The following PCSK5 variants were observed in gnomAD, a reference collection of about 807,000 sequenced individuals.
PCSK5 encodes prohormone convertase 5.
PCSK5 carries 129 observed loss-of-function variants against 233.2 expected under a neutral mutation model. The ratio of observed to expected loss-of-function variants is 0.55; its 90% CI spans 0.48 to 0.64. The LOEUF (loss-of-function observed/expected upper bound fraction) is 0.64. Among genes scored for constraint, PCSK5 ranks in the 30% least tolerant of loss-of-function variants. The pLI is 0.00. For missense variants in PCSK5, 2,076 were observed against 2,430.1 expected (o/e 0.85, Z 3.06); for synonymous variants, 825 against 879.2 (o/e 0.94, Z 1.09).
intron 24 of PCSK5, among the ~76,000 whole-genome samples, chr9:76,270,735 A>G (rs1051401760): frequency 1.3e-5 from 2 of 152,226 alleles, no homozygotes; most frequent in Non-Finnish European, 2.9e-5. Flanking sequence ...AGAGGGGTCA[A>G]TGATCTTGAA....
At chr9:76,166,735 C>G (rs918937844) in intron 12 of PCSK5, among the ~76,000 whole-genome samples, 1 of 152,168 alleles carries the variant, frequency 6.6e-6, no homozygotes, top group Non-Finnish European at 1.5e-5. Flanking sequence ...ATGGCCTCAA[C>G]GAATTAGAGC....
At chr9:76,297,899 A>G (rs1828492626) in intron 27 of PCSK5, among the ~76,000 whole-genome samples, 1 of 152,098 alleles carries the variant, frequency 6.6e-6, no homozygotes, top group Non-Finnish European at 1.5e-5. Context: ...GACTTCAAGG[A>G]AGAGCAGCTC....
In PCSK5 at chr9:76,296,779, GC is replaced by G. The variant is rs1179937267; in HGVS notation, c.3438del (p.Cys1146Ter). 1 of 1,611,900 alleles carries G rather than the reference GC, an allele frequency of 6.2e-7. No individual in the cohort carries two copies. The highest frequency in any genetic ancestry group is 1.3e-5 in the African/African-American group (1 of 74,878). ...TGCACAGGCCCTGGTCATGACGAGTGCAGCAGCTGCCAGGAAGGACTGCAGC... is the reference window on the plus strand; with the variant it reads ...TGCACAGGCCCTGGTCATGACGAGTGAGCAGCTGCCAGGAAGGACTGCAGC... ...ETCTGPGHDE[C>X]SSCQEGLQLL... On this transcript the variant is annotated frameshift_variant, in exon 27 of 38. Coordinates refer to ENST00000674117, the MANE Select transcript of PCSK5 (RefSeq NM_001372043.1). LOFTEE classifies it high-confidence loss of function.
intron 24 of PCSK5, among the ~76,000 whole-genome samples, chr9:76,241,334 C>T (rs770802457): frequency 6.6e-6 from 1 of 152,118 alleles, no homozygotes; most frequent in African/African-American, 2.4e-5. Context: ...CCCAGCTATT[C>T]GGGAGGCTGA....
In PCSK5 at chr9:76,354,184, G is replaced by T; in HGVS notation, c.5219G>T (p.Ser1740Ile). Residue 1740 changes from serine (S) to isoleucine (I), a missense_variant, in exon 37 of 38, where the codon AGT becomes ATT. By Grantham distance (142) the Ser-to-Ile change is moderately radical. Around this residue, in one of 6 missense-constraint regions of PCSK5, gnomAD observed 1,510 missense variants for 1,538.1 expected, o/e 0.98. Coordinates refer to ENST00000674117, the MANE Select transcript of PCSK5 (RefSeq NM_001372043.1). ...TGCTGCAACACCTCTGATCCCCCCA[G>T]TGCCCAGGAGTGCTGTGACTGCCAG... ...LHCCNTSDPP[S>I]AQECCDCQDT... 6.3e-7 allele frequency: 1 copy of T among 1,587,564 alleles called. No homozygotes were observed. Among genetic ancestry groups the T allele is most frequent in the Non-Finnish European group, 8.6e-7 (1 of 1,167,744 alleles).
At chr9:75,922,425 A>G (rs1823296233) in intron 1 of PCSK5, among the ~76,000 whole-genome samples, 1 of 152,178 alleles carries the variant, frequency 6.6e-6, no homozygotes, top group African/African-American at 2.4e-5. Flanking sequence ...GAGACGTTAC[A>G]GATGGCTTGT....
chr9:76,079,293 C>T (rs554716887), intron 7 of PCSK5, among the ~76,000 whole-genome samples: 1 of 150,756 alleles, frequency 6.6e-6, no homozygotes, highest in South Asian at 2.1e-4. Flanking sequence ...TAGTAGAGAT[C>T]CCCATCTCTA....
chr9:75,951,058 G>A (rs1202898959), intron 2 of PCSK5, among the ~76,000 whole-genome samples: 1 of 152,156 alleles, frequency 6.6e-6, no homozygotes, highest in African/African-American at 2.4e-5. Flanking sequence ...GTTTCCACCC[G>A]GTAGGCAGAA....
intron 20 of PCSK5, among the ~76,000 whole-genome samples, chr9:76,196,068 A>T (rs1836765129): frequency 6.6e-6 from 1 of 152,198 alleles, no homozygotes; most frequent in Non-Finnish European, 1.5e-5. Flanking sequence ...GAGAAACAGC[A>T]ATGTAAGAAA....
intron 4 of PCSK5, among the ~76,000 whole-genome samples, chr9:76,026,614 C>T (rs1267196694): frequency 6.6e-6 from 1 of 151,936 alleles, no homozygotes; most frequent in African/African-American, 2.4e-5. Context: ...TCAAGGTGTA[C>T]CTCAGAGAAA....
intron 10 of PCSK5, among the ~76,000 whole-genome samples, chr9:76,152,662 G>A (rs1447134652): frequency 2.6e-5 from 4 of 152,094 alleles, no homozygotes; most frequent in African/African-American, 9.7e-5. Flanking sequence ...TTTAAAAAAT[G>A]TTAAATAGCT....
intron 2 of PCSK5, among the ~76,000 whole-genome samples, chr9:75,961,384 A>G (rs1022867165): frequency 6.6e-6 from 1 of 152,206 alleles, no homozygotes; most frequent in Non-Finnish European, 1.5e-5. Context: ...AATATTGTAA[A>G]ATGTTTGATA....
intron 7 of PCSK5, among the ~76,000 whole-genome samples, chr9:76,088,119 G>A (rs7027627): frequency 6.6e-6 from 1 of 152,174 alleles, no homozygotes; most frequent in African/African-American, 2.4e-5. Flanking sequence ...TCCTTAGAGT[G>A]TCTCTTAGGC....
intron 5 of PCSK5, among the ~76,000 whole-genome samples, chr9:76,051,607 A>AT (rs1242953165): frequency 6.6e-6 from 1 of 152,170 alleles, no homozygotes; most frequent in Non-Finnish European, 1.5e-5. Context: ...TCCAAAAAAA[A>AT]AACAACAACA....
chr9:75,908,871 C>T (rs1029184493), intron 1 of PCSK5, among the ~76,000 whole-genome samples: 3 of 135,434 alleles, frequency 2.2e-5, no homozygotes, highest in Admixed American at 7.4e-5. Flanking sequence ...CCTTCTCTTT[C>T]TATTTATCTA....
intron 24 of PCSK5, among the ~76,000 whole-genome samples, chr9:76,269,123 C>A (rs957815482): frequency 2.6e-5 from 4 of 152,224 alleles, no homozygotes; most frequent in Non-Finnish European, 4.4e-5. Flanking sequence ...CAGCCCCAAC[C>A]AATTGCTGCA....
intron 5 of PCSK5, among the ~76,000 whole-genome samples, chr9:76,032,175 T>C (rs1004528564): frequency 6.6e-6 from 1 of 152,222 alleles, no homozygotes; most frequent in Non-Finnish European, 1.5e-5. Flanking sequence ...GCATGTGCTA[T>C]GCAAATGCCT....
At chr9:76,175,872 C>T (rs1279791697) in intron 14 of PCSK5, among the ~76,000 whole-genome samples, 2 of 152,196 alleles carry the variant, frequency 1.3e-5, no homozygotes, top group Non-Finnish European at 2.9e-5. Flanking sequence ...ATACAACTGT[C>T]TTATCCATTT....
rs149279734 is a variant in PCSK5 at position 76,231,909 on chromosome 9, A to C, written c.2730-1551A>C. On this transcript the variant is annotated intron_variant, in intron 21 of 37. Transcript: ENST00000674117. ...TGGTGCTGCGGATGGTTAACAGAACATGAGGGCCTAGGAATCCAAGAGAGA... is the reference window on the plus strand; with the variant it reads ...TGGTGCTGCGGATGGTTAACAGAACCTGAGGGCCTAGGAATCCAAGAGAGA... Among the ~76,000 whole-genome samples the C allele has an allele frequency of 4.9e-4, 74 of 152,326 alleles. No homozygotes were observed. The East Asian group carries it at 0.011, about 23-fold the overall frequency.
Sources: gnomAD v4.1 joint callset for allele counts (sites outside exome capture counted in the v4.1 genomes callset) on GRCh38, gnomAD v4.1.1 for gene constraint, gnomAD v4.1.1 regional missense constraint, MANE v1.5 for transcripts, NCBI Gene and HGNC (gene_info 2026-07-23, HGNC 2026-07-21) for gene names.